NFATC2: variants seen among roughly 807,000 people sequenced by gnomAD.
NFATC2 encodes the protein nuclear factor of activated T cells 2.
NFATC2 carries 22 observed loss-of-function variants against 87.3 expected under a neutral mutation model. The observed-to-expected ratio is 0.25, with a 90% CI of 0.18 to 0.36. The LOEUF (loss-of-function observed/expected upper bound fraction) is 0.36. Ranked by LOEUF, NFATC2 falls within the 10% of genes least tolerant of loss-of-function variation. The pLI is 1.00. For missense variants in NFATC2, 1,149 were observed against 1,259.1 expected (o/e 0.91, Z 1.32); for synonymous variants, 565 against 542.2 (o/e 1.04, Z -0.58).
intron 6 of NFATC2, among the ~76,000 whole-genome samples, chr20:51,440,278 G>A (rs1984157909): frequency 6.9e-6 from 1 of 145,046 alleles, no homozygotes; most frequent in South Asian, 2.2e-4. Context: ...GAAGATACCT[G>A]TTACGATTAT....
intron 6 of NFATC2, among the ~76,000 whole-genome samples, chr20:51,446,979 G>A (rs950321053): frequency 6.6e-6 from 1 of 152,130 alleles, no homozygotes; most frequent in Non-Finnish European, 1.5e-5. Context: ...ACATCACGCC[G>A]GGTACAACCA....
chr20:51,411,175 C>T (rs1470821735), intron 9 of NFATC2, among the ~76,000 whole-genome samples: 1 of 152,162 alleles, frequency 6.6e-6, no homozygotes, highest in Non-Finnish European at 1.5e-5. Flanking sequence ...CTCAGTGAGG[C>T]AAAGGGCCTC....
intron 1 of NFATC2, among the ~76,000 whole-genome samples, chr20:51,547,963 A>T (rs958564129): frequency 6.6e-6 from 1 of 152,090 alleles, no homozygotes; most frequent in East Asian, 1.9e-4. Context: ...TTTTGCCCCT[A>T]TGTGGAGCAA....
At chr20:51,468,546 G>C (rs1225682077) in intron 5 of NFATC2, among the ~76,000 whole-genome samples, 1 of 152,250 alleles carries the variant, frequency 6.6e-6, no homozygotes, top group African/African-American at 2.4e-5. Context: ...GAAAGCCATA[G>C]TGGCTTGGGC....
At chr20:51,457,637 G>A (rs1452068636) in intron 5 of NFATC2, among the ~76,000 whole-genome samples, 1 of 11,920 alleles carries the variant, frequency 8.4e-5, no homozygotes, top group East Asian at 2.2e-3. Flanking sequence ...GAGAAAACAC[G>A]CCTTTAGCTA....
chr20:51,409,220 T>C (rs1188413659), intron 9 of NFATC2, among the ~76,000 whole-genome samples: 1 of 152,198 alleles, frequency 6.6e-6, no homozygotes, highest in East Asian at 1.9e-4. Context: ...ACCATGCAAC[T>C]CTGCTTGTCA....
intron 9 of NFATC2, among the ~76,000 whole-genome samples, chr20:51,414,022 C>T (rs1979668570): frequency 6.6e-6 from 1 of 152,164 alleles, no homozygotes; most frequent in Admixed American, 6.5e-5. Context: ...AGTTTTAAAT[C>T]ATTTTAAACC....
intron 3 of NFATC2, among the ~76,000 whole-genome samples, chr20:51,498,508 C>A (rs62229792): frequency 0.083 from 12,634 of 152,174 alleles, 706 homozygotes; most frequent in African/African-American, 0.16. Flanking sequence ...AAAAAAGAAA[C>A]AAACAGAGGC....
At chr20:51,462,407 C>T (rs1052514785) in intron 5 of NFATC2, among the ~76,000 whole-genome samples, 6 of 152,172 alleles carry the variant, frequency 3.9e-5, no homozygotes, top group Admixed American at 6.5e-5. Context: ...GATCGCGCCA[C>T]TGCACTCCAG....
rs774051014 is a variant in NFATC2, at chr20:51,387,858, C to CGTT, written c.*3637_*3638insAAC. ...AGCAATAGAAAGCACTTGGAAAGGT[C>CGTT]TTTTTTTTTTTTTTTTTTTGACATG... On this transcript the variant is annotated 3_prime_UTR_variant, in exon 11 of 11. Transcript: ENST00000371564. The CGTT allele has an allele frequency of 8.0e-6, 1 of 124,792 alleles. No individual in the cohort carries two copies. The allele number at this position is 124,792 out of a possible 1,614,324, so 7.7% of individuals were successfully genotyped here. A position where few individuals can be genotyped will look rare whatever the true frequency, so the allele number is the denominator to read the frequency against.
At chr20:51,559,990 A>G (rs527954208) in intron 1 of NFATC2, among the ~76,000 whole-genome samples, 7 of 152,252 alleles carry the variant, frequency 4.6e-5, no homozygotes, top group Non-Finnish European at 8.8e-5. Flanking sequence ...GTGTCATTAT[A>G]AAGTTCCAGT....
intron 10 of NFATC2, among the ~76,000 whole-genome samples, chr20:51,393,959 G>GGATGGAAATGGTCCTGCT (rs11270196): frequency 4.6e-5 from 7 of 151,788 alleles, no homozygotes; most frequent in East Asian, 3.9e-4. Context: ...CCCTCTTCTT[G>GGATGGAAATGGTCCTGCT]GATGGAAATG....
intron 6 of NFATC2, among the ~76,000 whole-genome samples, chr20:51,452,582 C>T (rs1315651054): frequency 2.0e-5 from 3 of 152,202 alleles, no homozygotes; most frequent in Non-Finnish European, 4.4e-5. Context: ...TCCAAGAAGG[C>T]CCATGGGTAC....
At chr20:51,400,234 T>G (rs1433516583) in intron 9 of NFATC2, among the ~76,000 whole-genome samples, 3 of 152,140 alleles carry the variant, frequency 2.0e-5, no homozygotes, top group African/African-American at 7.2e-5. Context: ...AGCTGACAGC[T>G]CTAAAGTTCT....
chr20:51,432,045 T>C lies in NFATC2; in HGVS notation c.2722+22A>G. ...TTCAGGGCACCATCCTTACAGGCAG[T>C]GACAAAACTCAAGCGTCTTACCATC... is the stretch of plus-strand genomic sequence containing the variant. On this transcript the variant is annotated intron_variant, in intron 9 of 10. Coordinates refer to ENST00000371564, the MANE Select transcript of NFATC2 (RefSeq NM_012340.5). This position sits in a 1 kb window ranked among gnomAD's most constrained non-coding sequence, Gnocchi z 4.6. The C allele has an allele frequency of 6.6e-7, 1 of 1,511,134 alleles. No homozygotes were observed. Among genetic ancestry groups the C allele is most frequent in the South Asian group, 1.3e-5 (1 of 74,246 alleles). 93.6% of individuals were successfully genotyped at this position (1,511,134 alleles called of 1,614,324 possible). A position where few individuals can be genotyped will look rare whatever the true frequency, so the allele number is the denominator to read the frequency against.
chr20:51,496,980 A>G (rs951293694), intron 3 of NFATC2, among the ~76,000 whole-genome samples: 21 of 152,334 alleles, frequency 1.4e-4, no homozygotes, highest in African/African-American at 5.1e-4. Context: ...GCAGGGTGGC[A>G]GGGGCTAGAA....
rs147715085 is a variant in NFATC2, at chr20:51,478,172, C to T, written c.1333-2512G>A. Among the ~76,000 whole-genome samples, 153 of 152,276 alleles carry T rather than the reference C, an allele frequency of 1.0e-3. 1 individual carries two copies. Among genetic ancestry groups the T allele is most frequent in the African/African-American group, 2.5e-3 (104 of 41,564 alleles). ...AAGTGTCTGACACACACCTGAGAGG[C>T]GGCCTTGGGCCAAGATGGAAATCCA... On this transcript the variant is annotated intron_variant, in intron 3 of 10. Transcript: ENST00000371564.
intron 3 of NFATC2, among the ~76,000 whole-genome samples, chr20:51,496,000 G>A (rs886244377): frequency 6.6e-6 from 1 of 152,188 alleles, no homozygotes; most frequent in Non-Finnish European, 1.5e-5. Flanking sequence ...GTGAAGGTCA[G>A]CAAGATCTGG....
chr20:51,415,037 C>T (rs1430549645), intron 9 of NFATC2, among the ~76,000 whole-genome samples: 1 of 151,564 alleles, frequency 6.6e-6, no homozygotes, highest in Non-Finnish European at 1.5e-5. Context: ...ATTCCTTGAG[C>T]TCAGGAGTTT....
Sources: gnomAD v4.1 joint callset for allele counts (sites outside exome capture counted in the v4.1 genomes callset) on GRCh38, gnomAD v4.1.1 for gene constraint, Gnocchi (gnomAD v3.1) non-coding constraint, MANE v1.5 for transcripts, NCBI Gene and HGNC (gene_info 2026-07-23, HGNC 2026-07-21) for gene names.